The following RABL3 variants were observed in gnomAD, a reference collection of about 807,000 sequenced individuals.
The protein encoded by RABL3 is RAB, member of RAS oncogene family like 3.
Under a neutral mutation model 31.8 loss-of-function variants are expected in RABL3, and 31 were observed. The observed-to-expected ratio is 0.97, with a 90% CI of 0.73 to 1.31. RABL3 has a LOEUF of 1.31. Among genes scored for constraint, RABL3 ranks in the 40% most tolerant of loss-of-function variants. The pLI, the probability that RABL3 is intolerant of heterozygous loss-of-function variation, is 0.00. For synonymous variants in RABL3, 97 were observed against 99.9 expected, an observed-to-expected ratio of 0.97 and a Z score of 0.18; for missense variants, 263 against 279.6, an observed-to-expected ratio of 0.94 and a Z score of 0.42.
At chr3:120,732,401 A>G (rs1708895016) in intron 1 of RABL3, among the ~76,000 whole-genome samples, 1 of 152,194 alleles carries the variant, frequency 6.6e-6, no homozygotes. Flanking sequence ...CACTTAAAAC[A>G]CATTATTACA....
At chr3:120,702,331 A>G (rs1036668942) in intron 4 of RABL3, among the ~76,000 whole-genome samples, 1 of 152,118 alleles carries the variant, frequency 6.6e-6, no homozygotes, top group Non-Finnish European at 1.5e-5. Flanking sequence ...GGCATTAGTT[A>G]GATTATCATA....
intron 3 of RABL3, 87 bp downstream of exon 3, chr3:120,709,689 TAAGA>T (rs1708590127): frequency 2.1e-6 from 2 of 947,640 alleles, no homozygotes; most frequent in Non-Finnish European, 3.2e-6. Flanking sequence ...TTTCTCAAAT[TAAGA>T]TGAGTCTGGC....
chr3:120,741,744 G>A (rs1191829445), intron 1 of RABL3, among the ~76,000 whole-genome samples: 1 of 152,152 alleles, frequency 6.6e-6, no homozygotes, highest in South Asian at 2.1e-4. Flanking sequence ...AGCTGCTTCA[G>A]AATAAAACTC....
In RABL3 at chr3:120,689,541, A is replaced by C. The variant is rs1037057102; in HGVS notation, c.*282T>G. ...TAAATTTTCTCTGCAGTACACTGTC[A>C]TTGCTCATTTACTGCATCATTTTGA... On this transcript the variant is annotated 3_prime_UTR_variant, in exon 8 of 8. Transcript: ENST00000273375. 5 of 290,826 alleles carry C rather than the reference A, an allele frequency of 1.7e-5. No individual in the cohort carries two copies. Among genetic ancestry groups the C allele is most frequent in the African/African-American group, 1.1e-4 (5 of 46,580 alleles). The allele number at this position is 290,826 out of a possible 1,614,324, so 18.0% of individuals were successfully genotyped here.
intron 4 of RABL3, among the ~76,000 whole-genome samples, chr3:120,702,368 A>G (rs1486474892): frequency 6.6e-6 from 1 of 152,044 alleles, no homozygotes; most frequent in Non-Finnish European, 1.5e-5. Context: ...GATCCCTCAC[A>G]TGCACAGTTC....
At chr3:120,727,367 T>C (rs1390627068) in intron 2 of RABL3, among the ~76,000 whole-genome samples, 1 of 152,158 alleles carries the variant, frequency 6.6e-6, no homozygotes, top group African/African-American at 2.4e-5. Flanking sequence ...TTTGTGTCAA[T>C]TTACATAAAA....
In RABL3 at chr3:120,721,540, A is replaced by G. The variant is rs559215608; in HGVS notation, c.138+9156T>C. Among the ~76,000 whole-genome samples, 19 of 152,314 alleles carry G rather than the reference A, an allele frequency of 1.2e-4. No homozygotes were observed. In the East Asian group the frequency reaches 3.7e-3, roughly 29 times the overall value. ...AGGGGTTGCAATCCTAGTCTCTGAT[A>G]AAACAGACTTTAAACCAACAAAGAT... On this transcript the variant is annotated intron_variant, in intron 2 of 7. Transcript: ENST00000273375.
At chr3:120,737,198 A>G (rs1400764808) in intron 1 of RABL3, among the ~76,000 whole-genome samples, 1 of 152,176 alleles carries the variant, frequency 6.6e-6, no homozygotes, top group Non-Finnish European at 1.5e-5. Context: ...ACATAGTCCC[A>G]TATTTCTTGG....
chr3:120,707,386 C>G (rs1409839731), intron 3 of RABL3, among the ~76,000 whole-genome samples: 2 of 152,066 alleles, frequency 1.3e-5, no homozygotes, highest in African/African-American at 4.8e-5. Flanking sequence ...AAAGAACCAC[C>G]ATTAAAGACT....
intron 1 of RABL3, among the ~76,000 whole-genome samples, chr3:120,740,174 G>A (rs953993288): frequency 2.6e-5 from 4 of 152,198 alleles, no homozygotes; most frequent in African/African-American, 7.2e-5. Context: ...AGAGAAAACC[G>A]TATGGTAGTG....
intron 2 of RABL3, among the ~76,000 whole-genome samples, chr3:120,727,513 A>T (rs2107593562): frequency 6.6e-6 from 1 of 152,240 alleles, no homozygotes; most frequent in Non-Finnish European, 1.5e-5. Context: ...AATTCTTTCA[A>T]ATATCTAAGA....
At position 120,686,642 on chromosome 3, in the gene RABL3, A is replaced by G. The variant is rs1171001623; in HGVS notation, c.*3181T>C. 6.6e-6 allele frequency: 1 copy of G among 152,226 alleles called. No homozygotes were observed. The highest frequency in any genetic ancestry group is 2.4e-5 in the African/African-American group (1 of 41,460). 9.4% of individuals were successfully genotyped at this position (152,226 alleles called of 1,614,324 possible). On this transcript the variant is annotated 3_prime_UTR_variant, in exon 8 of 8. Coordinates refer to ENST00000273375, the MANE Select transcript of RABL3 (RefSeq NM_173825.5). ...GAAGAGCTTTCTTTCTTCACCCATC[A>G]CTAGGTTCACAAATGAGGCACCTAT...
chr3:120,742,394 A>G, intron 1 of RABL3, 68 bp downstream of exon 1: 2 of 1,447,232 alleles, frequency 1.4e-6, no homozygotes, highest in Non-Finnish European at 1.9e-6. Context: ...GAGGGAAGGA[A>G]GCTAAGGGGA....
chr3:120,717,265 A>C (rs1708681681), intron 2 of RABL3, among the ~76,000 whole-genome samples: 1 of 131,812 alleles, frequency 7.6e-6, no homozygotes, highest in Non-Finnish European at 1.7e-5. Flanking sequence ...ATCTCAAAAA[A>C]AACAAAAAAA....
intron 1 of RABL3, among the ~76,000 whole-genome samples, chr3:120,734,354 T>C (rs1250039406): frequency 1.3e-5 from 2 of 152,228 alleles, no homozygotes; most frequent in Non-Finnish European, 2.9e-5. Context: ...TGTCTGTTAT[T>C]GGTGTATAAG....
At chr3:120,698,803 TG>T (rs1248830677) in intron 4 of RABL3, among the ~76,000 whole-genome samples, 2 of 152,252 alleles carry the variant, frequency 1.3e-5, no homozygotes, top group Non-Finnish European at 2.9e-5. Context: ...TTTGGTCCCA[TG>T]TTTTTATTGA....
At chr3:120,694,101 ACT>A (rs562573203) in intron 6 of RABL3, 50 bp downstream of exon 6, 12,604 of 1,208,372 alleles carry the variant, frequency 0.01, 89 homozygotes, top group Non-Finnish European at 0.011. Flanking sequence ...AAAATTTTAA[ACT>A]CTCATAATAT....
At chr3:120,702,560 CTTTTTTT>C (rs977105954) in intron 4 of RABL3, among the ~76,000 whole-genome samples, 1 of 140,950 alleles carries the variant, frequency 7.1e-6, no homozygotes, top group Non-Finnish European at 1.6e-5. Flanking sequence ...GGAAATTTTT[CTTTTTTT>C]TTTTTTTTGA....
chr3:120,727,137 C>A (rs1708831283), intron 2 of RABL3, among the ~76,000 whole-genome samples: 1 of 151,950 alleles, frequency 6.6e-6, no homozygotes. Flanking sequence ...CTAAATTAAA[C>A]CCAAAGAAAG....
Sources: gnomAD v4.1 joint callset for allele counts (sites outside exome capture counted in the v4.1 genomes callset) on GRCh38, gnomAD v4.1.1 for gene constraint, MANE v1.5 for transcripts, NCBI Gene and HGNC (gene_info 2026-07-23, HGNC 2026-07-21) for gene names.